Variants in PIK3C2G observed in about 807,000 individuals in gnomAD.
PIK3C2G encodes phosphatidylinositol 3-kinase C2 domain-containing subunit gamma.
Under a neutral mutation model 181.1 loss-of-function variants are expected in PIK3C2G, and 168 were observed. The ratio of observed to expected loss-of-function variants is 0.93; its 90% CI spans 0.82 to 1.05. The LOEUF is 1.05. Ranked by LOEUF, PIK3C2G falls within the 50% of genes least tolerant of loss-of-function variation. The pLI, the probability that PIK3C2G is intolerant of heterozygous loss-of-function variation, is 0.00. For missense variants in PIK3C2G, 1,869 were observed against 1,732.8 expected, an observed-to-expected ratio of 1.08 and a Z score of -1.40; for synonymous variants, 573 against 592.2, an observed-to-expected ratio of 0.97 and a Z score of 0.47.
intron 18 of PIK3C2G, among the ~76,000 whole-genome samples, chr12:18,471,311 GAATTC>G: frequency 6.6e-6 from 1 of 152,156 alleles, no homozygotes; most frequent in South Asian, 2.1e-4. Flanking sequence ...CAACCTACAT[GAATTC>G]AACATCTCCT....
At chr12:18,518,130 G>C (rs932785649) in intron 24 of PIK3C2G, among the ~76,000 whole-genome samples, 1 of 152,220 alleles carries the variant, frequency 6.6e-6, no homozygotes, top group South Asian at 2.1e-4. Flanking sequence ...TGCTGGATTC[G>C]GTTTGCCAAT....
intron 14 of PIK3C2G, among the ~76,000 whole-genome samples, chr12:18,388,231 C>T (rs1185470811): frequency 6.6e-6 from 1 of 152,040 alleles, no homozygotes; most frequent in Non-Finnish European, 1.5e-5. Flanking sequence ...CTCTGAACTG[C>T]AATAGAACTC....
At chr12:18,430,409 T>C (rs2135755553) in intron 18 of PIK3C2G, among the ~76,000 whole-genome samples, 1 of 152,290 alleles carries the variant, frequency 6.6e-6, no homozygotes, top group South Asian at 2.1e-4. Flanking sequence ...AAATGTTCCT[T>C]TCAAAGTATG....
At chr12:18,442,051 A>C (rs2135830251) in intron 18 of PIK3C2G, among the ~76,000 whole-genome samples, 1 of 152,310 alleles carries the variant, frequency 6.6e-6, no homozygotes. Context: ...ATTTCTATTA[A>C]GGGGATGAAA....
chr12:18,498,929 G>A (rs1941217355), intron 22 of PIK3C2G, among the ~76,000 whole-genome samples: 2 of 152,248 alleles, frequency 1.3e-5, no homozygotes, highest in African/African-American at 2.4e-5. Flanking sequence ...TCTCACGTAA[G>A]TGACCTAATG....
At chr12:18,483,530 C>A (rs577658310) in intron 18 of PIK3C2G, among the ~76,000 whole-genome samples, 4 of 151,500 alleles carry the variant, frequency 2.6e-5, no homozygotes, top group African/African-American at 9.7e-5. Context: ...TTATGATCCA[C>A]GAAAAAAGAC....
At chr12:18,394,489 T>C (rs541476979) in intron 15 of PIK3C2G, among the ~76,000 whole-genome samples, 11 of 152,050 alleles carry the variant, frequency 7.2e-5, no homozygotes, top group Non-Finnish European at 1.6e-4. Flanking sequence ...AGGAAGTGGT[T>C]AATAGAAACA....
the PIK3C2G span, among the ~76,000 whole-genome samples, chr12:18,663,349 ATT>A: frequency 6.6e-6 from 1 of 152,140 alleles, no homozygotes; most frequent in Admixed American, 6.5e-5. Context: ...AACTGTTAGA[ATT>A]AATTAATTTA....
upstream of PIK3C2G, among the ~76,000 whole-genome samples, chr12:18,246,437 T>C (rs1218715417): frequency 6.6e-6 from 1 of 152,140 alleles, no homozygotes; most frequent in Non-Finnish European, 1.5e-5. Flanking sequence ...GATTATAATA[T>C]TGGTGGTGTT....
chr12:18,323,506 T>C (rs1951199423), intron 7 of PIK3C2G, among the ~76,000 whole-genome samples: 2 of 152,204 alleles, frequency 1.3e-5, no homozygotes, highest in Non-Finnish European at 2.9e-5. Context: ...ACCCCTTATT[T>C]TTCTCAAAGG....
At chr12:18,607,224 T>C in intron 30 of PIK3C2G, 1 of 510,996 alleles carries the variant, frequency 2.0e-6, no homozygotes, top group South Asian at 1.4e-5. Context: ...ATGATTTTAA[T>C]TGAAAGGAAT....
At chr12:18,367,625 G>A (rs1941734403) in intron 12 of PIK3C2G, among the ~76,000 whole-genome samples, 1 of 151,946 alleles carries the variant, frequency 6.6e-6, no homozygotes, top group South Asian at 2.1e-4. Flanking sequence ...TGTGATCTCG[G>A]CTCACTGCAA....
intron 14 of PIK3C2G, among the ~76,000 whole-genome samples, chr12:18,386,443 T>A (rs539967289): frequency 2.8e-4 from 43 of 152,252 alleles, no homozygotes; most frequent in African/African-American, 9.4e-4. Flanking sequence ...AGCTCTCACC[T>A]CCTATTCCCC....
Position 18,420,970 on chromosome 12 carries a change from C to T in PIK3C2G, c.2345C>T (p.Ala782Val). The T allele has an allele frequency of 6.2e-7, 1 of 1,600,698 alleles. No homozygotes were observed. The highest frequency in any genetic ancestry group is 8.6e-7 in the Non-Finnish European group (1 of 1,168,566). ...CCAGATCAAGAAATTCGTAAAGTGG[C>T]AGTTCAACAATTAGACAACCTCTTG... ...SFPDQEIRKVAVQQLDNLLND... is the reference protein window; with the variant it reads ...SFPDQEIRKVVVQQLDNLLND... The change falls in exon 17 of 33, where the codon GCA becomes GTA. Residue 782 changes from alanine (A) to valine (V), a missense_variant. By Grantham distance (64) the Ala-to-Val change is moderately conservative (BLOSUM62 0). Coordinates refer to ENST00000538779, the MANE Select transcript of PIK3C2G (RefSeq NM_001288772.2).
chr12:18,720,367 A>G, the PIK3C2G span, among the ~76,000 whole-genome samples: 1 of 151,698 alleles, frequency 6.6e-6, no homozygotes, highest in Non-Finnish European at 1.5e-5. Flanking sequence ...ACATTTCTGT[A>G]TGGTGCATGC....
intron 25 of PIK3C2G, among the ~76,000 whole-genome samples, chr12:18,541,674 C>T (rs896306348): frequency 3.3e-5 from 5 of 151,802 alleles, no homozygotes; most frequent in Admixed American, 6.6e-5. Context: ...TAAAAAGGGA[C>T]GTATCTATTC....
At chr12:18,511,165 C>T (rs1401079082) in intron 24 of PIK3C2G, among the ~76,000 whole-genome samples, 1 of 150,712 alleles carries the variant, frequency 6.6e-6, no homozygotes, top group African/African-American at 2.5e-5. Flanking sequence ...AATTTCCCCT[C>T]TTTTAAAACT....
intron 29 of PIK3C2G, among the ~76,000 whole-genome samples, chr12:18,569,913 G>T (rs116353796): frequency 6.6e-6 from 1 of 151,828 alleles, no homozygotes; most frequent in South Asian, 2.1e-4. Flanking sequence ...TTTTTCTATT[G>T]AATAATTTAA....
chr12:18,389,469 C>A (rs1446425156), intron 14 of PIK3C2G, among the ~76,000 whole-genome samples: 1 of 152,116 alleles, frequency 6.6e-6, no homozygotes, highest in Non-Finnish European at 1.5e-5. Context: ...TGAAGCGCAG[C>A]TTTGGGGTGC....
Sources: allele counts gnomAD v4.1 joint callset (sites outside exome capture counted in the v4.1 genomes callset), GRCh38; gene constraint gnomAD v4.1.1; transcripts MANE v1.5; gene names NCBI Gene and HGNC (gene_info 2026-07-23, HGNC 2026-07-21).